Variants in ARHGEF18 observed in about 807,000 individuals in gnomAD.
ARHGEF18 encodes the protein Rho/Rac guanine nucleotide exchange factor 18, also known as rho guanine nucleotide exchange factor 18.
ARHGEF18 carries 93 observed loss-of-function variants against 155.7 expected under a neutral mutation model. That is an observed-to-expected ratio of 0.60 (90% CI 0.50 to 0.71). The LOEUF is 0.71. ARHGEF18 is among the 30% of genes least tolerant of loss of function. The pLI, the probability that ARHGEF18 is intolerant of heterozygous loss-of-function variation, is 0.00. For synonymous variants in ARHGEF18, 742 were observed against 753.1 expected, an observed-to-expected ratio of 0.99 and a Z score of 0.24; for missense variants, 1,593 against 1,816.1, an observed-to-expected ratio of 0.88 and a Z score of 2.23.
chr19:7,470,516 C>CTT lies in ARHGEF18; in HGVS notation c.*230_*231dup, dbSNP rs72215888. On this transcript the variant is annotated 3_prime_UTR_variant, in exon 29 of 29. Transcript: ENST00000668164. The surrounding 1 kb of genome is among the most constrained non-coding windows in gnomAD (Gnocchi z 5.9). ...GGTGCCGGGGTCACTTTCTGAATCT[C>CTT]TTTTTTTTTTTTTCAAAAAGGAAAG... 208 of 347,834 alleles carry CTT rather than the reference C, an allele frequency of 6.0e-4. No homozygotes were observed. The highest frequency in any genetic ancestry group is 1.3e-3 in the African/African-American group (59 of 45,690). The allele number at this position is 347,834 out of a possible 1,614,324, so 21.5% of individuals were successfully genotyped here.
chr19:7,380,826 A>G lies in ARHGEF18; in HGVS notation c.645-91A>G, dbSNP rs955459291. The G allele has an allele frequency of 3.9e-6, 3 of 778,066 alleles. No homozygotes were observed. In the African/African-American group the frequency reaches 5.4e-5, roughly 14 times the overall value. 48.2% of individuals were successfully genotyped at this position (778,066 alleles called of 1,614,324 possible). A position where few individuals can be genotyped will look rare whatever the true frequency, so the allele number is the denominator to read the frequency against. ...GGACAGGTGGGCTCTTAGACGGGGT[A>G]CCTGGTGTATGCCTGTACTCGGTAG... On this transcript the variant is annotated intron_variant, in intron 7 of 28. Coordinates refer to ENST00000668164, the MANE Select transcript of ARHGEF18 (RefSeq NM_001367823.1).
Position 7,470,494 on chromosome 19 carries a change from G to A in ARHGEF18, c.*196G>A, listed in dbSNP as rs941161177. On this transcript the variant is annotated 3_prime_UTR_variant, in exon 29 of 29. Coordinates refer to ENST00000668164, the MANE Select transcript of ARHGEF18 (RefSeq NM_001367823.1). The surrounding 1 kb of genome is among the most constrained non-coding windows in gnomAD (Gnocchi z 5.9). Reference sequence around the variant, plus strand: ...CTGTTTCTGTAGGGTTAGCGGTGGTGCCGGGGTCACTTTCTGAATCTCTTT... The same window carrying A: ...CTGTTTCTGTAGGGTTAGCGGTGGTACCGGGGTCACTTTCTGAATCTCTTT... 6 of 450,590 alleles carry A rather than the reference G, an allele frequency of 1.3e-5. No individual in the cohort carries two copies. Among genetic ancestry groups the A allele is most frequent in the Non-Finnish European group, 2.2e-5 (6 of 275,518 alleles). The allele number at this position is 450,590 out of a possible 1,614,324, so 27.9% of individuals were successfully genotyped here.
intron 10 of ARHGEF18, among the ~76,000 whole-genome samples, chr19:7,393,440 C>T (rs12976743): frequency 0.46 from 69,938 of 152,012 alleles, 18,221 homozygotes; most frequent in Middle Eastern, 0.66. Flanking sequence ...AGCTCCTGGA[C>T]TCAAGTGATC....
intron 10 of ARHGEF18, among the ~76,000 whole-genome samples, chr19:7,431,533 A>AAAAAAAT (rs1568328086): frequency 2.0e-5 from 3 of 148,422 alleles, no homozygotes; most frequent in African/African-American, 7.6e-5. Context: ...AAAAAAAAAA[A>AAAAAAAT]GGCCGGGCTC....
intron 5 of ARHGEF18, among the ~76,000 whole-genome samples, chr19:7,378,020 G>C (rs1970542914): frequency 6.6e-6 from 1 of 152,142 alleles, no homozygotes; most frequent in Non-Finnish European, 1.5e-5. Flanking sequence ...TTGAACCCAG[G>C]AGGCGGAGGT....
intron 1 of ARHGEF18, among the ~76,000 whole-genome samples, chr19:7,349,806 G>A (rs534979983): frequency 3.9e-5 from 6 of 152,210 alleles, no homozygotes; most frequent in Admixed American, 2.6e-4. Context: ...GCCCTCCTGC[G>A]TGGAGACAGG....
intron 10 of ARHGEF18, 191 bp downstream of exon 10, chr19:7,383,394 T>G (rs2145455949): frequency 2.1e-6 from 1 of 485,626 alleles, no homozygotes; most frequent in Non-Finnish European, 3.3e-6. Flanking sequence ...AACTCGGGAC[T>G]GGCAACAGTC....
At chr19:7,422,720 T>C (rs986350997) in intron 10 of ARHGEF18, among the ~76,000 whole-genome samples, 5 of 141,236 alleles carry the variant, frequency 3.5e-5, no homozygotes, top group African/African-American at 1.1e-4. Flanking sequence ...ACTTTTCTTT[T>C]TTTTTTTTTT....
Position 7,373,073 on chromosome 19 carries a change from T to C in ARHGEF18, c.275+2T>C. 8.1e-7 allele frequency: 1 copy of C among 1,234,312 alleles called. No homozygotes were observed. Among genetic ancestry groups the C allele is most frequent in the Non-Finnish European group, 1.0e-6 (1 of 988,274 alleles). The allele number at this position is 1,234,312 out of a possible 1,614,324, so 76.5% of individuals were successfully genotyped here. ...GAGCTGCTCAGAGAGCTGGCGGAGG[T>C]CAGTTCCCCACTGCTGCCTGCTTCC... On this transcript the variant is annotated splice_donor_variant, in intron 3 of 28. Transcript: ENST00000668164. LOFTEE classifies it high-confidence loss of function.
downstream of ARHGEF18, among the ~76,000 whole-genome samples, chr19:7,474,781 G>GTGTGTC (rs1412727561): frequency 2.0e-5 from 3 of 151,814 alleles, no homozygotes; most frequent in Non-Finnish European, 4.4e-5. Flanking sequence ...GTGTGTGTGT[G>GTGTGTC]TGTCTCCCCC....
chr19:7,350,056 C>T (rs930542187), intron 1 of ARHGEF18, among the ~76,000 whole-genome samples: 3 of 152,182 alleles, frequency 2.0e-5, no homozygotes, highest in African/African-American at 7.2e-5. Context: ...GAGGGTTCTC[C>T]CCCTTGGGAG....
chr19:7,352,832 C>CTTTTTT (rs587602037), intron 1 of ARHGEF18, among the ~76,000 whole-genome samples: 2,438 of 49,810 alleles, frequency 0.049, 607 homozygotes, highest in Middle Eastern at 0.14. Flanking sequence ...CGTGCCTGGC[C>CTTTTTT]TTTTTTTTTT....
rs747101090 is a variant in ARHGEF18 at position 7,447,104 on chromosome 19, A to T, written c.1673A>T (p.Asn558Ile). ...EKYGVFCSGH[N>I]EAVSHYKLLL... is the part of the protein sequence containing the mutation. ...TACGGTGTGTTTTGTAGTGGCCACA[A>T]TGAAGCTGTTAGTCATTACAAGTTG... The change falls in exon 15 of 29, where the codon AAT becomes ATT. Residue 558 changes from asparagine (N) to isoleucine (I), a missense_variant. Transcript: ENST00000668164. The T allele has an allele frequency of 2.5e-6, 4 of 1,613,842 alleles. No individual in the cohort carries two copies. The African/African-American group carries it at 5.3e-5, about 22-fold the overall frequency.
intron 15 of ARHGEF18, among the ~76,000 whole-genome samples, chr19:7,448,390 A>G (rs1439398175): frequency 6.6e-6 from 1 of 152,108 alleles, no homozygotes; most frequent in African/African-American, 2.4e-5. Context: ...GGCCGGGCAC[A>G]GTGGCTCATG....
chr19:7,377,966 G>A (rs1054247583), intron 5 of ARHGEF18, among the ~76,000 whole-genome samples: 20 of 151,824 alleles, frequency 1.3e-4, no homozygotes, highest in African/African-American at 2.4e-4. Flanking sequence ...GGTGGTGTGC[G>A]CCTGTAATCC....
intron 10 of ARHGEF18, among the ~76,000 whole-genome samples, chr19:7,430,497 C>T (rs1262336651): frequency 1.3e-5 from 2 of 152,112 alleles, no homozygotes; most frequent in African/African-American, 4.8e-5. Context: ...GCCACTGTAC[C>T]CAAATACACA....
At chr19:7,439,379 A>G (rs1974482420) in intron 10 of ARHGEF18, among the ~76,000 whole-genome samples, 1 of 151,830 alleles carries the variant, frequency 6.6e-6, no homozygotes, top group Non-Finnish European at 1.5e-5. Context: ...GCTTGAACCT[A>G]GGAGTTTAAG....
chr19:7,386,270 A>G (rs1294153676), intron 10 of ARHGEF18, among the ~76,000 whole-genome samples: 1 of 148,960 alleles, frequency 6.7e-6, no homozygotes, highest in African/African-American at 2.4e-5. Flanking sequence ...AAAAACATGA[A>G]GTTAGAAAAG....
chr19:7,470,159 C>CT lies in ARHGEF18; in HGVS notation c.3948dup (p.Asp1317Ter), dbSNP rs1265461405. ...TTCCCCGCCCCGAGCCCACCGCCAG[C>CT]TGACAGCCCCTCCGAGGGCTTCTCT... is the stretch of plus-strand genomic sequence containing the variant. On this transcript the variant is annotated frameshift_variant, in exon 29 of 29. Coordinates refer to ENST00000668164, the MANE Select transcript of ARHGEF18 (RefSeq NM_001367823.1). LOFTEE classifies it low-confidence loss of function (END_TRUNC). The surrounding 1 kb of genome is among the most constrained non-coding windows in gnomAD (Gnocchi z 5.9). 2 of 1,612,182 alleles carry CT rather than the reference C, an allele frequency of 1.2e-6. No homozygotes were observed. The highest frequency in any genetic ancestry group is 1.7e-6 in the Non-Finnish European group (2 of 1,179,602).
Sources: gnomAD v4.1 joint callset for allele counts (sites outside exome capture counted in the v4.1 genomes callset) on GRCh38, gnomAD v4.1.1 for gene constraint, Gnocchi (gnomAD v3.1) non-coding constraint, MANE v1.5 for transcripts, NCBI Gene and HGNC (gene_info 2026-07-23, HGNC 2026-07-21) for gene names.